OSBPL1A: variants seen among roughly 807,000 people sequenced by gnomAD.
OSBPL1A encodes oxysterol-binding protein-related protein 1.
A neutral mutation model predicts 137.1 loss-of-function variants in OSBPL1A; 80 were observed. The observed-to-expected ratio is 0.58, with a 90% CI of 0.49 to 0.70. The LOEUF (loss-of-function observed/expected upper bound fraction) is 0.70, where lower values mean the gene tolerates loss of function less well. Ranked by LOEUF, OSBPL1A falls within the 30% of genes least tolerant of loss-of-function variation. The pLI is 0.00. For missense variants in OSBPL1A, 970 were observed against 1,129.4 expected, an observed-to-expected ratio of 0.86 and a Z score of 2.02; for synonymous variants, 365 against 389.7, an observed-to-expected ratio of 0.94 and a Z score of 0.75.
At chr18:24,395,040 T>C (rs959927028) in intron 1 of OSBPL1A, among the ~76,000 whole-genome samples, 3 of 152,226 alleles carry the variant, frequency 2.0e-5, no homozygotes, top group South Asian at 2.1e-4. Context: ...AAGATACTTA[T>C]ATGACACCAC....
chr18:24,198,858 T>G (rs2087120024), intron 17 of OSBPL1A, among the ~76,000 whole-genome samples: 2 of 138,120 alleles, frequency 1.4e-5, no homozygotes, highest in African/African-American at 5.5e-5. Flanking sequence ...GTGTTTTTTT[T>G]TGTTGTTTTT....
At chr18:24,363,541 G>C (rs1234164733) in intron 4 of OSBPL1A, among the ~76,000 whole-genome samples, 1 of 150,582 alleles carries the variant, frequency 6.6e-6, no homozygotes, top group African/African-American at 2.5e-5. Flanking sequence ...CTGCCTGCTG[G>C]GTTCAAGTGA....
At chr18:24,205,900 T>G (rs2087356731) in intron 17 of OSBPL1A, among the ~76,000 whole-genome samples, 1 of 152,240 alleles carries the variant, frequency 6.6e-6, no homozygotes. Flanking sequence ...TTTTTATTGT[T>G]GTTGTTTTGA....
At chr18:24,230,951 T>C (rs2088255275) in intron 16 of OSBPL1A, among the ~76,000 whole-genome samples, 2 of 152,196 alleles carry the variant, frequency 1.3e-5, no homozygotes, top group African/African-American at 4.8e-5. Flanking sequence ...GATGATTATA[T>C]TTTATAGGGA....
At chr18:24,194,548 ACTGTCAT>A (rs1382052900) in intron 18 of OSBPL1A, among the ~76,000 whole-genome samples, 1 of 152,214 alleles carries the variant, frequency 6.6e-6, no homozygotes, top group East Asian at 1.9e-4. Flanking sequence ...AACGTGTGTT[ACTGTCAT>A]CTGTCTATAT....
chr18:24,238,835 T>C (rs1421310101), intron 16 of OSBPL1A, among the ~76,000 whole-genome samples: 3 of 152,258 alleles, frequency 2.0e-5, no homozygotes, highest in African/African-American at 7.2e-5. Context: ...GTTACCTGTA[T>C]TCTTTATATA....
At chr18:24,339,259 A>T (rs1265997256) in intron 5 of OSBPL1A, among the ~76,000 whole-genome samples, 2 of 152,212 alleles carry the variant, frequency 1.3e-5, no homozygotes, top group East Asian at 1.9e-4. Flanking sequence ...GGCATGAGCC[A>T]CTGCGCCCAG....
intron 1 of OSBPL1A, among the ~76,000 whole-genome samples, chr18:24,390,837 C>T (rs1250864770): frequency 3.3e-5 from 5 of 151,660 alleles, no homozygotes; most frequent in Non-Finnish European, 5.9e-5. Flanking sequence ...CAGTGGCTCA[C>T]GGCTGTAATC....
intron 15 of OSBPL1A, among the ~76,000 whole-genome samples, chr18:24,240,043 C>T (rs1200395179): frequency 6.7e-6 from 1 of 149,210 alleles, no homozygotes; most frequent in Non-Finnish European, 1.5e-5. Flanking sequence ...CATGCCTCTG[C>T]CTCCTGAGTA....
Position 24,353,327 on chromosome 18 carries a change from T to A in OSBPL1A, c.283-11669A>T, listed in dbSNP as rs139737790. Among the ~76,000 whole-genome samples, 978 of 152,298 alleles carry A rather than the reference T, an allele frequency of 6.4e-3. 9 individuals are homozygous for A. The highest frequency in any genetic ancestry group is 0.022 in the African/African-American group (934 of 41,546). On this transcript the variant is annotated intron_variant, in intron 4 of 27. Transcript: ENST00000319481. ...AAAACACATGAAAAAATGCTCATCA[T>A]CACTGGCCATCAAAGAAATGCAAAT...
Position 24,303,617 on chromosome 18 carries a change from G to A in OSBPL1A, c.1174+20C>T, listed in dbSNP as rs750289159. 2 of 1,588,074 alleles carry A rather than the reference G, an allele frequency of 1.3e-6. No individual in the cohort carries two copies. Among genetic ancestry groups the A allele is most frequent in the East Asian group, 4.5e-5 (2 of 44,614 alleles). The stretch of plus-strand genomic sequence containing the variant: ...CTATGTGTTAAAGAGTGATTGTAGG[G>A]ATAGTGCTTGTCTTTTTACCTTTAG... On this transcript the variant is annotated intron_variant, in intron 14 of 27. Coordinates refer to ENST00000319481, the MANE Select transcript of OSBPL1A (RefSeq NM_080597.4).
chr18:24,180,458 A>ATT (rs1490993453), intron 19 of OSBPL1A, among the ~76,000 whole-genome samples: 2 of 86,376 alleles, frequency 2.3e-5, no homozygotes, highest in South Asian at 3.4e-4. Context: ...ATATTTTTCT[A>ATT]TTTTGTGTGT....
In OSBPL1A at chr18:24,296,079, G is replaced by A. The variant is rs2090285765; in HGVS notation, c.1174+7558C>T. 2.0e-5 allele frequency among the ~76,000 whole-genome samples: 3 copies of A among 152,210 alleles called. 1 individual carries two copies. In the South Asian group the frequency reaches 6.2e-4, roughly 32 times the overall value. The stretch of plus-strand genomic sequence containing the variant: ...TTTTGATGGGAATTGCATTGCATCT[G>A]TAAATTGCTTTGGGCAGTATGGTCA... On this transcript the variant is annotated intron_variant, in intron 14 of 27. Transcript: ENST00000319481.
intron 15 of OSBPL1A, among the ~76,000 whole-genome samples, chr18:24,269,851 AACACACACACACACAC>A (rs147895357): frequency 7.1e-6 from 1 of 139,988 alleles, no homozygotes; most frequent in African/African-American, 2.7e-5. Context: ...TGACAAGCCT[AACACACACACACACAC>A]ACACACACAC....
chr18:24,321,040 A>AAAAG (rs548581998), intron 7 of OSBPL1A, among the ~76,000 whole-genome samples: 43,634 of 145,964 alleles, frequency 0.3, 7,629 homozygotes, highest in Middle Eastern at 0.41. Context: ...AAAAAAAAAA[A>AAAAG]AAAAAGAAAA....
At chr18:24,336,479 C>T (rs1413460234) in intron 5 of OSBPL1A, among the ~76,000 whole-genome samples, 2 of 151,904 alleles carry the variant, frequency 1.3e-5, no homozygotes, top group African/African-American at 4.8e-5. Context: ...CTAGAATGCT[C>T]GCAATGTTGA....
At chr18:24,240,136 C>T (rs1429724333) in intron 15 of OSBPL1A, among the ~76,000 whole-genome samples, 1 of 152,056 alleles carries the variant, frequency 6.6e-6, no homozygotes, top group Non-Finnish European at 1.5e-5. Context: ...GTTGGCCAGG[C>T]TGGTCTTGAA....
intron 14 of OSBPL1A, among the ~76,000 whole-genome samples, chr18:24,284,525 C>A (rs557289309): frequency 2.8e-4 from 43 of 152,178 alleles, no homozygotes; most frequent in African/African-American, 1.0e-3. Flanking sequence ...TTACGCTGAA[C>A]AATTTTTAAT....
chr18:24,391,573 A>AT, intron 1 of OSBPL1A, among the ~76,000 whole-genome samples: 1 of 151,454 alleles, frequency 6.6e-6, no homozygotes, highest in East Asian at 1.9e-4. Flanking sequence ...AAAAAAAAAA[A>AT]AAATTAATTA....
Sources: gnomAD v4.1 joint callset for allele counts (sites outside exome capture counted in the v4.1 genomes callset) on GRCh38, gnomAD v4.1.1 for gene constraint, MANE v1.5 for transcripts, NCBI Gene and HGNC (gene_info 2026-07-23, HGNC 2026-07-21) for gene names.